The following DMD variants were observed in gnomAD, a reference collection of about 807,000 sequenced individuals.
DMD encodes dystrophin, also known as mutant dystrophin.
A neutral mutation model predicts 330.1 loss-of-function variants in DMD; 63 were observed. That is an observed-to-expected ratio of 0.19 (90% CI 0.16 to 0.24). The LOEUF (loss-of-function observed/expected upper bound fraction) is 0.24, where lower values mean the gene tolerates loss of function less well. Ranked by LOEUF, DMD falls within the 10% of genes least tolerant of loss-of-function variation. The pLI, the probability that DMD is intolerant of heterozygous loss-of-function variation, is 1.00. For missense variants in DMD, 3,344 were observed against 2,684.1 expected (o/e 1.25, Z -5.43); for synonymous variants, 1,223 against 959.8 (o/e 1.27, Z -5.07).
intron 60 of DMD, among the ~76,000 whole-genome samples, chrX:31,421,660 A>G (rs1183693552): frequency 9.0e-6 from 1 of 110,509 alleles, no homozygotes; most frequent in Admixed American, 9.8e-5. Flanking sequence ...AAATTTTTGA[A>G]CAGGATACGT....
At chrX:32,998,634 CAT>C (rs1011729716) in intron 2 of DMD, among the ~76,000 whole-genome samples, 36 of 86,009 alleles carry the variant, frequency 4.2e-4, no homozygotes, top group African/African-American at 8.1e-4. Flanking sequence ...CACACATTTG[CAT>C]ATATATGTTT....
chrX:32,691,801 A>G (rs1452831346), intron 9 of DMD, among the ~76,000 whole-genome samples: 1 of 111,476 alleles, frequency 9.0e-6, no homozygotes, highest in Non-Finnish European at 1.9e-5. Flanking sequence ...TGTGGTATAT[A>G]CATACAAGAG....
At chrX:31,155,369 C>A (rs775010610) in intron 74 of DMD, among the ~76,000 whole-genome samples, 2 of 112,455 alleles carry the variant, frequency 1.8e-5, no homozygotes, top group South Asian at 7.4e-4. Context: ...TTCCAGTGAT[C>A]AATGTTTTCT....
intron 2 of DMD, among the ~76,000 whole-genome samples, chrX:32,973,114 T>C (rs960870538): frequency 8.9e-6 from 1 of 112,227 alleles, no homozygotes; most frequent in Non-Finnish European, 1.9e-5. Flanking sequence ...GAGCCATATT[T>C]CTGTCAAATT....
chrX:32,597,598 T>A (rs2055706425), intron 12 of DMD, among the ~76,000 whole-genome samples: 2 of 111,893 alleles, frequency 1.8e-5, no homozygotes, highest in Admixed American at 1.9e-4. Context: ...AATACTGCCT[T>A]TCTAACTTAC....
At chrX:32,740,639 T>C (rs771312764) in intron 7 of DMD, among the ~76,000 whole-genome samples, 19 of 111,755 alleles carry the variant, frequency 1.7e-4, no homozygotes, top group Non-Finnish European at 3.0e-4. Flanking sequence ...ATAAAGTTTA[T>C]GACACAAAAT....
chrX:31,255,077 C>CT (rs2049799676), intron 63 of DMD, among the ~76,000 whole-genome samples: 2 of 107,897 alleles, frequency 1.9e-5, no homozygotes, highest in South Asian at 4.1e-4. Context: ...AAAAGTATCT[C>CT]TAAGCAGCAT....
At chrX:31,796,168 T>C (rs1349011472) in intron 50 of DMD, among the ~76,000 whole-genome samples, 3 of 112,320 alleles carry the variant, frequency 2.7e-5, no homozygotes, top group Non-Finnish European at 5.6e-5. Context: ...GTAGTTTTAA[T>C]GGATTTGCAG....
rs756226695 is a variant in DMD, at chrX:32,508,825, T to C, written c.2293-6983A>G. ...TTTAGGAAACTTTTTTTTTTTTTCT[T>C]TTTGAGACGGAGTCTCGCTCTGTCG... is the stretch of plus-strand genomic sequence containing the variant. On this transcript the variant is annotated intron_variant, in intron 18 of 78. Transcript: ENST00000357033. Among the ~76,000 whole-genome samples, 104 of 111,438 alleles carry C rather than the reference T, an allele frequency of 9.3e-4. 1 individual carries two copies. The highest frequency in any genetic ancestry group is 3.1e-3 in the African/African-American group (94 of 30,695).
At chrX:31,999,913 T>C (rs1449270181) in intron 44 of DMD, among the ~76,000 whole-genome samples, 1 of 112,149 alleles carries the variant, frequency 8.9e-6, no homozygotes, top group Non-Finnish European at 1.9e-5. Flanking sequence ...TCAACTGGTC[T>C]CTCCCCAGGA....
intron 44 of DMD, among the ~76,000 whole-genome samples, chrX:32,070,289 T>C (rs1202923596): frequency 9.0e-6 from 1 of 111,126 alleles, no homozygotes; most frequent in Non-Finnish European, 1.9e-5. Flanking sequence ...TATGGGCATC[T>C]GGGGCTCACA....
chrX:32,433,698 C>A (rs1366373382), intron 29 of DMD, among the ~76,000 whole-genome samples: 1 of 111,224 alleles, frequency 9.0e-6, no homozygotes, highest in Non-Finnish European at 1.9e-5. Flanking sequence ...AAAACAAAAA[C>A]AAAAACCACC....
chrX:32,604,872 A>G (rs2056553634), intron 12 of DMD, among the ~76,000 whole-genome samples: 1 of 110,147 alleles, frequency 9.1e-6, no homozygotes, highest in African/African-American at 3.3e-5. Flanking sequence ...TACAAGGAGA[A>G]CTACAAAACA....
At chrX:31,382,558 A>AG (rs1219227181) in intron 60 of DMD, among the ~76,000 whole-genome samples, 2 of 111,628 alleles carry the variant, frequency 1.8e-5, no homozygotes, top group African/African-American at 6.5e-5. Context: ...GAACCTCCTT[A>AG]GGCACTCTCT....
At chrX:33,270,749 G>C (rs1449478643) in intron 1 of DMD, among the ~76,000 whole-genome samples, 1 of 111,649 alleles carries the variant, frequency 9.0e-6, no homozygotes, top group Admixed American at 9.6e-5. Flanking sequence ...AAAATATAAG[G>C]GAATAGTATA....
At chrX:32,757,701 G>A (rs1172066369) in intron 7 of DMD, among the ~76,000 whole-genome samples, 1 of 111,790 alleles carries the variant, frequency 8.9e-6, no homozygotes, top group African/African-American at 3.2e-5. Context: ...ATGATTGTGA[G>A]GCCTCCCCAG....
intron 60 of DMD, among the ~76,000 whole-genome samples, chrX:31,429,375 T>C (rs2063904665): frequency 9.0e-6 from 1 of 111,509 alleles, no homozygotes. Context: ...GAAGGCTCCA[T>C]TGGAATGGCT....
chrX:33,310,087 T>G (rs1470994764), intron 1 of DMD, among the ~76,000 whole-genome samples: 5 of 110,961 alleles, frequency 4.5e-5, no homozygotes, highest in Non-Finnish European at 9.5e-5. Context: ...GGTGTATGAA[T>G]TAAAATAACA....
intron 44 of DMD, among the ~76,000 whole-genome samples, chrX:32,028,575 T>A (rs1429149644): frequency 1.8e-5 from 2 of 111,814 alleles, no homozygotes; most frequent in African/African-American, 6.5e-5. Flanking sequence ...TAAATTCCCT[T>A]AAGAAGGAAG....
Sources: gnomAD v4.1 joint callset for allele counts (sites outside exome capture counted in the v4.1 genomes callset) on GRCh38, gnomAD v4.1.1 for gene constraint, MANE v1.5 for transcripts, NCBI Gene and HGNC (gene_info 2026-07-23, HGNC 2026-07-21) for gene names.